PRKG1: variants seen among roughly 807,000 people sequenced by gnomAD.
The protein encoded by PRKG1 is protein kinase cGMP-dependent 1.
In PRKG1, 35 loss-of-function variants were observed where a neutral mutation model predicts 88.1. That is an observed-to-expected ratio of 0.40 (90% CI 0.30 to 0.53). The LOEUF is 0.53. Ranked by LOEUF, PRKG1 falls within the 20% of genes least tolerant of loss-of-function variation. The probability of loss-of-function intolerance (pLI) is 0.59; values close to 1 mark genes in which losing one functional copy is unlikely to be tolerated. For synonymous variants in PRKG1, 303 were observed against 292.5 expected (o/e 1.04, Z -0.37); for missense variants, 540 against 839.8 (o/e 0.64, Z 4.41).
At chr10:51,376,673 G>C (rs1842823121) in intron 2 of PRKG1, among the ~76,000 whole-genome samples, 1 of 151,858 alleles carries the variant, frequency 6.6e-6, no homozygotes, top group African/African-American at 2.4e-5. Context: ...CTTTGTTGTT[G>C]TTTTTTGTTT....
At chr10:51,163,811 A>G (rs893553120) in intron 2 of PRKG1, among the ~76,000 whole-genome samples, 1 of 152,154 alleles carries the variant, frequency 6.6e-6, no homozygotes, top group South Asian at 2.1e-4. Context: ...GCAGTCTGAG[A>G]TCAAACTGCA....
intron 3 of PRKG1, among the ~76,000 whole-genome samples, chr10:51,628,141 TTTCTTTCTTTCTTTC>T (rs1554826958): frequency 7.3e-6 from 1 of 137,254 alleles, no homozygotes; most frequent in Non-Finnish European, 1.6e-5. Flanking sequence ...TCTTTCTTTC[TTTCTTTCTTTCTTTC>T]TTTCTTTATT....
At chr10:51,514,074 G>A in intron 3 of PRKG1, among the ~76,000 whole-genome samples, 1 of 142,648 alleles carries the variant, frequency 7.0e-6, no homozygotes, top group Admixed American at 7.1e-5. Context: ...TTTTTGAAAG[G>A]ATCAACAAAA....
intron 2 of PRKG1, among the ~76,000 whole-genome samples, chr10:51,244,308 C>CTTTTTTTTTT (rs76339310): frequency 2.9e-5 from 4 of 136,676 alleles, no homozygotes; most frequent in Non-Finnish European, 3.2e-5. Context: ...CCCTTTCTTC[C>CTTTTTTTTTT]TTTTTTTTTT....
At chr10:51,517,295 A>G (rs1841615233) in intron 3 of PRKG1, among the ~76,000 whole-genome samples, 1 of 152,200 alleles carries the variant, frequency 6.6e-6, no homozygotes, top group South Asian at 2.1e-4. Flanking sequence ...AGCTAGACCT[A>G]TTTGTTCAGG....
intron 5 of PRKG1, among the ~76,000 whole-genome samples, chr10:51,950,660 G>A (rs1353600406): frequency 6.6e-6 from 1 of 152,252 alleles, no homozygotes; most frequent in Non-Finnish European, 1.5e-5. Context: ...GGGGGTATTA[G>A]TATGCTAATT....
intron 3 of PRKG1, among the ~76,000 whole-genome samples, chr10:51,584,708 A>T (rs1838128125): frequency 6.6e-6 from 1 of 152,096 alleles, no homozygotes; most frequent in South Asian, 2.1e-4. Context: ...TAATCTTAAT[A>T]ATTATCTGGC....
intron 3 of PRKG1, among the ~76,000 whole-genome samples, chr10:51,730,553 CTG>C (rs202080821): frequency 0.011 from 1,607 of 152,214 alleles, 22 homozygotes; most frequent in African/African-American, 0.034. Flanking sequence ...TTTGTAGAAA[CTG>C]TGTATGTATT....
At chr10:51,921,002 T>C (rs777305461) in intron 5 of PRKG1, among the ~76,000 whole-genome samples, 1 of 152,088 alleles carries the variant, frequency 6.6e-6, no homozygotes, top group Non-Finnish European at 1.5e-5. Flanking sequence ...TAATTTACCA[T>C]AGAGTGTTGT....
At chr10:52,225,747 CT>C (rs1840372719) in intron 9 of PRKG1, among the ~76,000 whole-genome samples, 1 of 152,074 alleles carries the variant, frequency 6.6e-6, no homozygotes, top group African/African-American at 2.4e-5. Context: ...AAAGGATGTC[CT>C]TTCCCCACTT....
At chr10:51,534,564 A>AG (rs11448798) in intron 3 of PRKG1, among the ~76,000 whole-genome samples, 122,706 of 150,684 alleles carry the variant, frequency 0.81, 50,474 homozygotes, top group East Asian at 0.98. Flanking sequence ...GCTACTCGGG[A>AG]GCTGAGACAG....
At chr10:51,419,918 A>C (rs1313809771) in intron 2 of PRKG1, among the ~76,000 whole-genome samples, 2 of 152,018 alleles carry the variant, frequency 1.3e-5, no homozygotes. Context: ...GTTTAGATAC[A>C]TTCTCTTCTG....
chr10:51,339,332 AG>A (rs1470896155), intron 2 of PRKG1, among the ~76,000 whole-genome samples: 15 of 152,148 alleles, frequency 9.9e-5, no homozygotes, highest in African/African-American at 3.1e-4. Flanking sequence ...TCTTCTAGAA[AG>A]GTTCACCAGA....
At chr10:51,809,384 A>G (rs187419398) in intron 4 of PRKG1, among the ~76,000 whole-genome samples, 185 of 152,268 alleles carry the variant, frequency 1.2e-3, no homozygotes, top group African/African-American at 4.2e-3. Context: ...ATTTTCTGTC[A>G]TCTTTGGCTA....
chr10:51,389,709 A>G (rs1837349719), intron 2 of PRKG1, among the ~76,000 whole-genome samples: 1 of 152,216 alleles, frequency 6.6e-6, no homozygotes, highest in African/African-American at 2.4e-5. Context: ...TAGAGAAATA[A>G]TAATGCTGGA....
chr10:51,136,113 A>G (rs1003218304), intron 1 of PRKG1, among the ~76,000 whole-genome samples: 2 of 152,092 alleles, frequency 1.3e-5, no homozygotes, highest in Non-Finnish European at 2.9e-5. Flanking sequence ...AACTTAAAGT[A>G]TAATAATAAT....
At chr10:51,510,239 G>A (rs1280851379) in intron 3 of PRKG1, among the ~76,000 whole-genome samples, 1 of 151,860 alleles carries the variant, frequency 6.6e-6, no homozygotes, top group East Asian at 1.9e-4. Flanking sequence ...ATATTTACCT[G>A]TACAACATAA....
At chr10:51,791,293 T>C (rs1205275792) in intron 3 of PRKG1, among the ~76,000 whole-genome samples, 1 of 152,154 alleles carries the variant, frequency 6.6e-6, no homozygotes, top group Non-Finnish European at 1.5e-5. Flanking sequence ...ATACCACCAG[T>C]TCCTGGTATA....
chr10:52,244,992 AT>A (rs1300130416), intron 9 of PRKG1, among the ~76,000 whole-genome samples: 15 of 147,096 alleles, frequency 1.0e-4, no homozygotes, highest in South Asian at 2.1e-4. Context: ...ATATAAAAAA[AT>A]AAAATATATA....
Sources: gnomAD v4.1 joint callset for allele counts (sites outside exome capture counted in the v4.1 genomes callset) on GRCh38, gnomAD v4.1.1 for gene constraint, MANE v1.5 for transcripts, NCBI Gene and HGNC (gene_info 2026-07-23, HGNC 2026-07-21) for gene names.